The following TBL1X variants were observed in gnomAD, a reference collection of about 807,000 sequenced individuals.
TBL1X encodes F-box-like/WD repeat-containing protein TBL1X.
TBL1X carries 10 observed loss-of-function variants against 50.7 expected under a neutral mutation model. The ratio of observed to expected loss-of-function variants is 0.20; its 90% confidence interval spans 0.12 to 0.33. The LOEUF (loss-of-function observed/expected upper bound fraction) is 0.33. Among genes scored for constraint, TBL1X ranks in the 10% least tolerant of loss-of-function variants. The pLI, the probability that TBL1X is intolerant of heterozygous loss-of-function variation, is 1.00. For synonymous variants in TBL1X, 190 were observed against 214.7 expected (o/e 0.88, Z 1.01); for missense variants, 340 against 504.4 (o/e 0.67, Z 3.12).
chrX:9,525,855 A>T (rs1196470526), intron 2 of TBL1X, among the ~76,000 whole-genome samples: 5 of 107,218 alleles, frequency 4.7e-5, no homozygotes, highest in Non-Finnish European at 5.8e-5. Flanking sequence ...TTTTGTGTTT[A>T]AAAAAAAAAC....
chrX:9,478,647 C>T lies in TBL1X; in HGVS notation c.-201+13200C>T, dbSNP rs757508415. Among the ~76,000 whole-genome samples, 3 of 112,085 alleles carry T rather than the reference C, an allele frequency of 2.7e-5. 1 individual carries two copies. The Admixed American group carries it at 2.8e-4, about 11-fold the overall frequency. On this transcript the variant is annotated intron_variant, in intron 1 of 17. Coordinates refer to ENST00000645353, the MANE Select transcript of TBL1X (RefSeq NM_005647.4). ...GGGGAGGAGAGGAGCCTGATTGCTG[C>T]TAAGGCAAAGACATGAACCATTGCC...
chrX:9,513,210 A>G (rs1024815170), intron 2 of TBL1X, among the ~76,000 whole-genome samples: 2 of 111,085 alleles, frequency 1.8e-5, no homozygotes, highest in South Asian at 3.8e-4. Context: ...AAAGGAGTCA[A>G]TGCTTTGGGT....
At chrX:9,598,914 TTTTTG>T (rs1555898906) in intron 2 of TBL1X, among the ~76,000 whole-genome samples, 29 of 98,360 alleles carry the variant, frequency 2.9e-4, no homozygotes, top group East Asian at 6.7e-4. Context: ...CTACCTTTTT[TTTTTG>T]TTTTGTTTTG....
At chrX:9,596,903 T>C (rs1383552075) in intron 2 of TBL1X, among the ~76,000 whole-genome samples, 1 of 111,124 alleles carries the variant, frequency 9.0e-6, no homozygotes, top group Non-Finnish European at 1.9e-5. Context: ...TGCTTTAATA[T>C]TATTCTAGAT....
At chrX:9,556,283 G>T (rs1376147166) in intron 2 of TBL1X, among the ~76,000 whole-genome samples, 1 of 110,994 alleles carries the variant, frequency 9.0e-6, no homozygotes. Context: ...CAGTGGTGGG[G>T]GAGAAGGTGG....
chrX:9,667,005 G>A (rs1287692222), intron 5 of TBL1X, among the ~76,000 whole-genome samples: 10 of 112,162 alleles, frequency 8.9e-5, no homozygotes, highest in Non-Finnish European at 7.5e-5. Context: ...CTAAAAGAGC[G>A]ATAAGACAAA....
intron 11 of TBL1X, among the ~76,000 whole-genome samples, chrX:9,694,911 A>G (rs189217079): frequency 0.013 from 1,462 of 110,560 alleles, 30 homozygotes; most frequent in African/African-American, 0.044. Flanking sequence ...GTGAGCCCAG[A>G]TCGCGCCACT....
chrX:9,573,593 G>A (rs2082396081), intron 2 of TBL1X, among the ~76,000 whole-genome samples: 1 of 112,734 alleles, frequency 8.9e-6, no homozygotes, highest in Non-Finnish European at 1.9e-5. Context: ...AATTCTGGAC[G>A]GTGGCTAGCA....
At chrX:9,545,355 A>G (rs1262048317) in intron 2 of TBL1X, among the ~76,000 whole-genome samples, 1 of 110,220 alleles carries the variant, frequency 9.1e-6, no homozygotes, top group African/African-American at 3.3e-5. Flanking sequence ...CAGTCTGGAC[A>G]AATAGCAAAA....
chrX:9,482,970 T>C (rs2081891090), intron 1 of TBL1X, among the ~76,000 whole-genome samples: 1 of 111,455 alleles, frequency 9.0e-6, no homozygotes, highest in Admixed American at 9.6e-5. Context: ...ATGGTCTTTA[T>C]GCAGCCGGCA....
chrX:9,624,164 G>A (rs1440101714), intron 2 of TBL1X, among the ~76,000 whole-genome samples: 1 of 112,170 alleles, frequency 8.9e-6, no homozygotes, highest in African/African-American at 3.2e-5. Flanking sequence ...CAACTAAGAG[G>A]CAGTCTTCTA....
intron 2 of TBL1X, among the ~76,000 whole-genome samples, chrX:9,581,791 G>A (rs775964401): frequency 2.6e-4 from 29 of 112,231 alleles, no homozygotes; most frequent in Admixed American, 9.4e-5. Context: ...CTGAAACGCC[G>A]TTGGAAACAT....
At chrX:9,688,640 T>C (rs965581051) in intron 7 of TBL1X, among the ~76,000 whole-genome samples, 9 of 112,857 alleles carry the variant, frequency 8.0e-5, no homozygotes, top group African/African-American at 2.9e-4. Flanking sequence ...TATGGTATAA[T>C]TATTGAGCTT....
At chrX:9,702,974 G>A (rs1041801802) in intron 12 of TBL1X, among the ~76,000 whole-genome samples, 4 of 111,602 alleles carry the variant, frequency 3.6e-5, no homozygotes, top group African/African-American at 1.3e-4. Context: ...ACTAGCTCTC[G>A]AAGTCCCAAG....
intron 9 of TBL1X, 125 bp from the exon 10 acceptor site, chrX:9,693,024 A>C (rs964113831): frequency 2.3e-5 from 15 of 655,622 alleles, no homozygotes; most frequent in Non-Finnish European, 3.7e-5. Flanking sequence ...CAATTCTGTC[A>C]TTAAAGAACA....
chrX:9,698,682 G>C (rs2083148871), intron 12 of TBL1X, among the ~76,000 whole-genome samples: 1 of 112,271 alleles, frequency 8.9e-6, no homozygotes, highest in Non-Finnish European at 1.9e-5. Flanking sequence ...GCACAAACAA[G>C]TGTTAGCAGA....
intron 1 of TBL1X, among the ~76,000 whole-genome samples, chrX:9,487,608 G>A (rs2081920298): frequency 8.9e-6 from 1 of 112,208 alleles, no homozygotes; most frequent in South Asian, 3.6e-4. Context: ...TTCACAAATG[G>A]AACATTGTTC....
intron 6 of TBL1X, among the ~76,000 whole-genome samples, chrX:9,684,896 G>A (rs758612391): frequency 2.7e-5 from 3 of 112,354 alleles, no homozygotes; most frequent in Admixed American, 9.4e-5. Flanking sequence ...TGGTTAGAGA[G>A]GGGCCCCACA....
At chrX:9,585,216 T>C (rs774051897) in intron 2 of TBL1X, among the ~76,000 whole-genome samples, 1 of 110,966 alleles carries the variant, frequency 9.0e-6, no homozygotes, top group Admixed American at 9.5e-5. Context: ...TCTTACCTCA[T>C]TCATTCATCA....
Sources: allele counts gnomAD v4.1 joint callset (sites outside exome capture counted in the v4.1 genomes callset), GRCh38; gene constraint gnomAD v4.1.1; transcripts MANE v1.5; gene names NCBI Gene and HGNC (gene_info 2026-07-23, HGNC 2026-07-21).